FBXL17: variants seen among roughly 807,000 people sequenced by gnomAD.
FBXL17 encodes the protein F-box/LRR-repeat protein 17.
Under a neutral mutation model 66.2 loss-of-function variants are expected in FBXL17, and 22 were observed. That is an observed-to-expected ratio of 0.33 (90% CI 0.24 to 0.47). The LOEUF (loss-of-function observed/expected upper bound fraction) is 0.47, where lower values mean the gene tolerates loss of function less well. FBXL17 is among the 20% of genes least tolerant of loss of function. The pLI is 1.00. For synonymous variants in FBXL17, 474 were observed against 400.5 expected, an observed-to-expected ratio of 1.18 and a Z score of -2.19; for missense variants, 878 against 948.2, an observed-to-expected ratio of 0.93 and a Z score of 0.97.
chr5:108,338,935 T>C (rs745998309), intron 4 of FBXL17, among the ~76,000 whole-genome samples: 4 of 152,134 alleles, frequency 2.6e-5, no homozygotes, highest in South Asian at 2.1e-4. Context: ...CAGGTTTAGA[T>C]AGGAACATCA....
In FBXL17 at chr5:107,861,846, C is replaced by A; in HGVS notation, c.1980G>T (p.Thr660=). The change falls in exon 9 of 9, where the codon ACG becomes ACT. Residue 660 remains threonine, a synonymous_variant. Coordinates refer to ENST00000542267, the MANE Select transcript of FBXL17 (RefSeq NM_001163315.3). ...LMRCDKVNEV[T]VEQLVQQYPH... Reference sequence around the variant, plus strand: ...GGTACTGCTGCACCAGCTGTTCCACCGTCACTTCGTTGACCTGCAAACAAA... The same window carrying A: ...GGTACTGCTGCACCAGCTGTTCCACAGTCACTTCGTTGACCTGCAAACAAA... 6.5e-7 allele frequency: 1 copy of A among 1,534,958 alleles called. No individual in the cohort carries two copies. Among genetic ancestry groups the A allele is most frequent in the Non-Finnish European group, 8.8e-7 (1 of 1,135,460 alleles).
intron 7 of FBXL17, among the ~76,000 whole-genome samples, chr5:107,998,186 A>G (rs538598265): frequency 2.8e-4 from 43 of 152,364 alleles, no homozygotes; most frequent in African/African-American, 9.9e-4. Flanking sequence ...CATAAAGTAT[A>G]TTATTAAAAT....
chr5:108,224,006 T>C (rs1411386552), intron 5 of FBXL17, 115 bp downstream of exon 5: 2 of 410,258 alleles, frequency 4.9e-6, no homozygotes, highest in Non-Finnish European at 8.9e-6. Context: ...TTATCAAACA[T>C]TAGTAGGCTT....
At chr5:107,950,786 C>T (rs184018103) in intron 7 of FBXL17, among the ~76,000 whole-genome samples, 12 of 152,196 alleles carry the variant, frequency 7.9e-5, no homozygotes, top group African/African-American at 2.6e-4. Flanking sequence ...TGTCTAAATC[C>T]GTTTGTCATA....
chr5:108,215,408 T>C (rs1048113639), intron 5 of FBXL17, among the ~76,000 whole-genome samples: 2 of 152,182 alleles, frequency 1.3e-5, no homozygotes, highest in African/African-American at 4.8e-5. Context: ...ACCATCCTAG[T>C]AGGTGTGAAG....
chr5:108,145,022 T>G (rs534883982), intron 6 of FBXL17, among the ~76,000 whole-genome samples: 112 of 152,250 alleles, frequency 7.4e-4, no homozygotes, highest in African/African-American at 2.5e-3. Flanking sequence ...CAAAACCTGC[T>G]AGAACCAAGA....
intron 4 of FBXL17, among the ~76,000 whole-genome samples, chr5:108,286,064 A>G (rs1177823363): frequency 6.6e-6 from 1 of 151,996 alleles, no homozygotes; most frequent in African/African-American, 2.4e-5. Context: ...CAATACATGC[A>G]GAAAAGGCTT....
intron 3 of FBXL17, 149 bp from the exon 4 acceptor site, chr5:108,348,679 T>C: frequency 1.2e-6 from 1 of 853,624 alleles, no homozygotes. Flanking sequence ...AAGCAATCCA[T>C]AACTTAAAAC....
intron 4 of FBXL17, among the ~76,000 whole-genome samples, chr5:108,311,663 T>C (rs932988931): frequency 6.6e-6 from 1 of 152,086 alleles, no homozygotes; most frequent in African/African-American, 2.4e-5. Flanking sequence ...CACATCCCCA[T>C]TTGCCATTCT....
intron 4 of FBXL17, among the ~76,000 whole-genome samples, chr5:108,274,250 C>A (rs1757393136): frequency 2.0e-5 from 3 of 152,146 alleles, no homozygotes; most frequent in Admixed American, 2.0e-4. Context: ...TCTATCTCAC[C>A]TCTGCAGTCT....
At chr5:107,871,074 A>C (rs937192257) in intron 8 of FBXL17, among the ~76,000 whole-genome samples, 2 of 130,686 alleles carry the variant, frequency 1.5e-5, no homozygotes, top group African/African-American at 3.2e-5. Flanking sequence ...AAAAAAAAAA[A>C]AAAAACCTCA....
intron 6 of FBXL17, among the ~76,000 whole-genome samples, chr5:108,085,502 T>C (rs1748933604): frequency 6.6e-6 from 1 of 152,200 alleles, no homozygotes; most frequent in African/African-American, 2.4e-5. Flanking sequence ...ATTATTCTTC[T>C]TTACCTCTGC....
chr5:108,262,081 TA>T (rs764824248), intron 4 of FBXL17, among the ~76,000 whole-genome samples: 20,423 of 143,696 alleles, frequency 0.14, 1,715 homozygotes, highest in Admixed American at 0.17. Flanking sequence ...TTTATTTATT[TA>T]TTTATTTTTT....
chr5:108,133,353 C>T (rs1036967933), intron 6 of FBXL17, among the ~76,000 whole-genome samples: 5 of 152,070 alleles, frequency 3.3e-5, no homozygotes, highest in Middle Eastern at 3.4e-3. Context: ...GATATTAGTA[C>T]ACTGTATTTA....
At chr5:108,086,911 T>G (rs1255800162) in intron 6 of FBXL17, among the ~76,000 whole-genome samples, 2 of 150,396 alleles carry the variant, frequency 1.3e-5, no homozygotes, top group Non-Finnish European at 2.9e-5. Context: ...CTTTCACCAC[T>G]ACCGTGGCAT....
At chr5:107,984,931 A>C (rs1251260827) in intron 7 of FBXL17, among the ~76,000 whole-genome samples, 2 of 152,198 alleles carry the variant, frequency 1.3e-5, no homozygotes, top group Non-Finnish European at 2.9e-5. Context: ...ACTTTTCTAG[A>C]GTGAAAACTT....
intron 5 of FBXL17, among the ~76,000 whole-genome samples, chr5:108,217,195 C>T (rs1208350692): frequency 6.6e-6 from 1 of 152,082 alleles, no homozygotes; most frequent in Non-Finnish European, 1.5e-5. Flanking sequence ...AGTGGATACT[C>T]CCATTCCAGA....
intron 7 of FBXL17, among the ~76,000 whole-genome samples, chr5:107,970,929 T>C (rs1301642691): frequency 6.6e-6 from 1 of 152,078 alleles, no homozygotes; most frequent in Non-Finnish European, 1.5e-5. Flanking sequence ...AAGTAGAAAA[T>C]TGGATTTATG....
intron 4 of FBXL17, among the ~76,000 whole-genome samples, chr5:108,235,651 C>A (rs1313566806): frequency 3.3e-5 from 5 of 152,132 alleles, no homozygotes; most frequent in Non-Finnish European, 5.9e-5. Context: ...ATCCAAACTC[C>A]TTTTATAACC....
Sources: gnomAD v4.1 joint callset for allele counts (sites outside exome capture counted in the v4.1 genomes callset) on GRCh38, gnomAD v4.1.1 for gene constraint, MANE v1.5 for transcripts, NCBI Gene and HGNC (gene_info 2026-07-23, HGNC 2026-07-21) for gene names.